The following CATSPER3 variants were observed in gnomAD, a reference collection of about 807,000 sequenced individuals.
CATSPER3 encodes the protein cation channel sperm associated 3.
Under a neutral mutation model 36.6 loss-of-function variants are expected in CATSPER3, and 23 were observed. The observed-to-expected ratio is 0.63, with a 90% CI of 0.45 to 0.89. CATSPER3 has a LOEUF of 0.89. CATSPER3 is among the 40% of genes least tolerant of loss of function. The pLI, the probability that CATSPER3 is intolerant of heterozygous loss-of-function variation, is 0.00. For missense variants in CATSPER3, 474 were observed against 503.9 expected, an observed-to-expected ratio of 0.94 and a Z score of 0.57; for synonymous variants, 172 against 184.1, an observed-to-expected ratio of 0.93 and a Z score of 0.53.
At position 134,968,056 on chromosome 5, in the gene CATSPER3, C is replaced by T. The variant is rs140513119; in HGVS notation, c.65C>T (p.Ser22Leu). 241 of 1,613,608 alleles carry T rather than the reference C, an allele frequency of 1.5e-4. No individual in the cohort carries two copies. Among genetic ancestry groups the T allele is most frequent in the African/African-American group, 6.8e-4 (51 of 75,030 alleles). The change falls in exon 1 of 8, where the codon TCG becomes TTG. Residue 22 changes from serine (S) to leucine (L), a missense_variant. Coordinates refer to ENST00000282611, the MANE Select transcript of CATSPER3 (RefSeq NM_178019.3). ...VISSSPVDTT[S>L]VGFCPTFKKF... ...TCTAGTTCACCAGTTGACACTACAT[C>T]GGTGGGATTTTGCCCAACATTCAAG...
intron 3 of CATSPER3, 65 bp from the exon 4 acceptor site, chr5:135,007,892 C>A: frequency 8.0e-7 from 1 of 1,255,968 alleles, no homozygotes; most frequent in Non-Finnish European, 1.1e-6. Context: ...CAGAATGGAC[C>A]TCTGTCCCTG....
chr5:135,003,921 C>T (rs1209382447), intron 3 of CATSPER3, among the ~76,000 whole-genome samples: 3 of 152,214 alleles, frequency 2.0e-5, no homozygotes, highest in Non-Finnish European at 2.9e-5. Context: ...GATGCCTCGC[C>T]CTGCTTCGGC....
intron 6 of CATSPER3, 77 bp downstream of exon 6, chr5:135,009,567 C>G: frequency 4.2e-6 from 1 of 236,240 alleles, no homozygotes; most frequent in Non-Finnish European, 5.9e-6. Flanking sequence ...GAGGAGGGGC[C>G]GTGGTGCCTG....
intron 7 of CATSPER3, 35 bp from the exon 8 acceptor site, chr5:135,011,486 C>T: frequency 6.5e-7 from 1 of 1,534,148 alleles, no homozygotes; most frequent in Non-Finnish European, 9.0e-7. Context: ...CTGCCTCTGA[C>T]CTCAGATCTT....
intron 3 of CATSPER3, among the ~76,000 whole-genome samples, chr5:135,006,725 C>A (rs1200106899): frequency 6.6e-6 from 1 of 151,134 alleles, no homozygotes; most frequent in Non-Finnish European, 1.5e-5. Flanking sequence ...GTAGTCCCAG[C>A]TACTTGGGAG....
At chr5:134,982,859 A>T (rs1279095136) in intron 2 of CATSPER3, among the ~76,000 whole-genome samples, 1 of 152,238 alleles carries the variant, frequency 6.6e-6, no homozygotes, top group African/African-American at 2.4e-5. Flanking sequence ...TACCAATGTT[A>T]TAGTTAATGG....
chr5:134,968,563 C>T (rs1194019058), intron 1 of CATSPER3: 4 of 175,426 alleles, frequency 2.3e-5, no homozygotes, highest in Admixed American at 5.6e-5. Flanking sequence ...TGATGGTGTG[C>T]ACCTGTTGTC....
At chr5:134,970,821 G>C (rs1038355567) in intron 2 of CATSPER3, among the ~76,000 whole-genome samples, 1 of 151,960 alleles carries the variant, frequency 6.6e-6, no homozygotes, top group African/African-American at 2.4e-5. Flanking sequence ...AGCTGCCTGC[G>C]TCGGGCTCCC....
intron 2 of CATSPER3, among the ~76,000 whole-genome samples, chr5:134,992,037 G>A (rs2341252): frequency 0.014 from 2,065 of 151,762 alleles, 37 homozygotes; most frequent in African/African-American, 0.048. Context: ...TGTGAGGATC[G>A]CTTGAGCCTG....
chr5:135,005,464 C>T (rs1037492020), intron 3 of CATSPER3, among the ~76,000 whole-genome samples: 2 of 152,126 alleles, frequency 1.3e-5, no homozygotes, highest in African/African-American at 4.8e-5. Flanking sequence ...TGTCATGGGA[C>T]CCTAGATCCC....
chr5:135,003,399 C>T (rs189673822), intron 3 of CATSPER3, among the ~76,000 whole-genome samples: 1 of 152,352 alleles, frequency 6.6e-6, no homozygotes, highest in East Asian at 1.9e-4. Context: ...ACTCGGGGAT[C>T]AGGGACCCAC....
At chr5:134,986,175 G>C (rs1179765854) in intron 2 of CATSPER3, among the ~76,000 whole-genome samples, 1 of 150,632 alleles carries the variant, frequency 6.6e-6, no homozygotes, top group East Asian at 2.0e-4. Context: ...ATGGAGTTTG[G>C]CTCTTGTTGC....
At chr5:134,973,277 T>A (rs1751627669) in intron 2 of CATSPER3, among the ~76,000 whole-genome samples, 4 of 152,186 alleles carry the variant, frequency 2.6e-5, no homozygotes, top group Admixed American at 2.0e-4. Flanking sequence ...ATGCATCATC[T>A]GACAGTGAAG....
At chr5:135,007,573 G>A (rs1036854559) in intron 3 of CATSPER3, among the ~76,000 whole-genome samples, 4 of 152,154 alleles carry the variant, frequency 2.6e-5, no homozygotes, top group Non-Finnish European at 5.9e-5. Flanking sequence ...CTGGGCCCGG[G>A]GCAGAGAGCA....
chr5:135,006,748 G>A lies in CATSPER3; in HGVS notation c.493-1209G>A, dbSNP rs1057322408. Among the ~76,000 whole-genome samples, 197 of 149,564 alleles carry A rather than the reference G, an allele frequency of 1.3e-3. 3 individuals carry two copies. Among genetic ancestry groups the A allele is most frequent in the Non-Finnish European group, 3.5e-4 (24 of 67,776 alleles). On this transcript the variant is annotated intron_variant, in intron 3 of 7. Transcript: ENST00000282611. ...AGCTACTTGGGAGGCTGAGGCAGGA[G>A]AATGGCATGAACCCGGGAGGCAGAG...
chr5:135,003,674 C>T (rs1019036275), intron 3 of CATSPER3, among the ~76,000 whole-genome samples: 4 of 152,254 alleles, frequency 2.6e-5, no homozygotes, highest in Non-Finnish European at 4.4e-5. Flanking sequence ...CCCGCAGCCT[C>T]GCTGCTGCCT....
intron 2 of CATSPER3, among the ~76,000 whole-genome samples, chr5:134,976,299 T>G (rs932603154): frequency 6.6e-5 from 10 of 152,024 alleles, no homozygotes; most frequent in Non-Finnish European, 1.5e-5. Context: ...CCAGCCTGGG[T>G]GACAGAGCAA....
chr5:134,995,025 T>A (rs534428101), intron 2 of CATSPER3, among the ~76,000 whole-genome samples: 25 of 151,640 alleles, frequency 1.6e-4, no homozygotes, highest in African/African-American at 5.1e-4. Flanking sequence ...CTCTCTCTTT[T>A]TCCTTCCTTC....
intron 7 of CATSPER3, 36 bp downstream of exon 7, chr5:135,010,566 G>A: frequency 6.2e-7 from 1 of 1,604,306 alleles, no homozygotes; most frequent in African/African-American, 1.3e-5. Context: ...GGTCCCTAGG[G>A]CTTCCTCGAG....
Sources: allele counts gnomAD v4.1 joint callset (sites outside exome capture counted in the v4.1 genomes callset), GRCh38; gene constraint gnomAD v4.1.1; transcripts MANE v1.5; gene names NCBI Gene and HGNC (gene_info 2026-07-23, HGNC 2026-07-21).